The following DLGAP2 variants were observed in gnomAD, a reference collection of about 807,000 sequenced individuals.
DLGAP2 encodes the protein DLG associated protein 2, also known as disks large-associated protein 2.
In DLGAP2, 26 loss-of-function variants were observed where a neutral mutation model predicts 100.3. That is an observed-to-expected ratio of 0.26 (90% CI 0.19 to 0.36). DLGAP2 has a LOEUF of 0.36. DLGAP2 is among the 10% of genes least tolerant of loss of function. The pLI, the probability that DLGAP2 is intolerant of heterozygous loss-of-function variation, is 1.00. For synonymous variants in DLGAP2, 886 were observed against 630.1 expected (o/e 1.41, Z -6.08); for missense variants, 1,858 against 1,453.2 (o/e 1.28, Z -4.53).
At chr8:1,184,939 A>C (rs921822538) in intron 2 of DLGAP2, among the ~76,000 whole-genome samples, 1 of 152,162 alleles carries the variant, frequency 6.6e-6, no homozygotes. Flanking sequence ...CCTGGTGCAG[A>C]AGAGGCAGAT....
At chr8:1,041,300 G>T (rs943143519) in intron 2 of DLGAP2, among the ~76,000 whole-genome samples, 5 of 151,810 alleles carry the variant, frequency 3.3e-5, no homozygotes, top group African/African-American at 4.8e-5. Flanking sequence ...GAGGTGCGTG[G>T]AGATCGCCCC....
At chr8:1,373,212 A>G (rs1296045411) in intron 3 of DLGAP2, among the ~76,000 whole-genome samples, 1 of 152,068 alleles carries the variant, frequency 6.6e-6, no homozygotes, top group Admixed American at 6.5e-5. Flanking sequence ...GTGACTGCGC[A>G]GCAAGACTCT....
At chr8:1,556,849 G>C (rs137875202) in intron 5 of DLGAP2, among the ~76,000 whole-genome samples, 1 of 152,206 alleles carries the variant, frequency 6.6e-6, no homozygotes, top group African/African-American at 2.4e-5. Flanking sequence ...CACCAGGGTG[G>C]ATTTGAGCAG....
chr8:1,268,299 G>T (rs1799509423), intron 3 of DLGAP2, among the ~76,000 whole-genome samples: 1 of 152,140 alleles, frequency 6.6e-6, no homozygotes. Context: ...CTATTTTCTT[G>T]TTGCTAAACA....
intron 3 of DLGAP2, among the ~76,000 whole-genome samples, chr8:1,454,271 G>A (rs1798243805): frequency 6.6e-6 from 1 of 152,122 alleles, no homozygotes; most frequent in Non-Finnish European, 1.5e-5. Flanking sequence ...GGAGGTGGCC[G>A]AGTTCCACTG....
At chr8:1,000,010 G>A (rs1378825961) in intron 2 of DLGAP2, among the ~76,000 whole-genome samples, 7 of 143,488 alleles carry the variant, frequency 4.9e-5, no homozygotes, top group Non-Finnish European at 9.2e-5. Flanking sequence ...TTTCTCTAGA[G>A]CAGACAGATC....
At chr8:1,272,047 C>G (rs1324499774) in intron 3 of DLGAP2, among the ~76,000 whole-genome samples, 2 of 152,128 alleles carry the variant, frequency 1.3e-5, no homozygotes, top group African/African-American at 2.4e-5. Flanking sequence ...AACTCCTGAC[C>G]TCAGGTGATC....
At chr8:1,013,287 G>T (rs953121259) in intron 2 of DLGAP2, among the ~76,000 whole-genome samples, 2 of 152,182 alleles carry the variant, frequency 1.3e-5, no homozygotes, top group Non-Finnish European at 2.9e-5. Context: ...ACTGCCCTGT[G>T]CAGGATACAG....
At chr8:1,694,510 C>A (rs1000605891) in intron 13 of DLGAP2, among the ~76,000 whole-genome samples, 3 of 152,186 alleles carry the variant, frequency 2.0e-5, no homozygotes, top group African/African-American at 7.2e-5. Flanking sequence ...TGTGACACAA[C>A]CAGAAGGCAC....
chr8:1,503,327 G>A (rs1799789934), intron 4 of DLGAP2, among the ~76,000 whole-genome samples: 1 of 151,418 alleles, frequency 6.6e-6, no homozygotes, highest in Non-Finnish European at 1.5e-5. Flanking sequence ...TCTGCTTTCT[G>A]TCTCTGAAAC....
chr8:1,080,789 A>G (rs1803781224), intron 2 of DLGAP2, among the ~76,000 whole-genome samples: 1 of 152,180 alleles, frequency 6.6e-6, no homozygotes, highest in African/African-American at 2.4e-5. Context: ...TTAAGTGTTG[A>G]AATTATACTA....
At chr8:1,544,214 C>G (rs1352929134) in intron 4 of DLGAP2, among the ~76,000 whole-genome samples, 1 of 152,278 alleles carries the variant, frequency 6.6e-6, no homozygotes, top group African/African-American at 2.4e-5. Context: ...TCTTTTACCT[C>G]CTTGGTTAGG....
At chr8:1,132,375 T>A (rs888122206) in intron 2 of DLGAP2, among the ~76,000 whole-genome samples, 1 of 152,210 alleles carries the variant, frequency 6.6e-6, no homozygotes, top group Non-Finnish European at 1.5e-5. Context: ...CAAAACCAGC[T>A]GGTAGGTACA....
chr8:1,335,171 G>A (rs1179465353), intron 3 of DLGAP2, among the ~76,000 whole-genome samples: 1 of 152,146 alleles, frequency 6.6e-6, no homozygotes, highest in Admixed American at 6.5e-5. Flanking sequence ...TCTTGGGAGC[G>A]ACAAAGCAGA....
At chr8:1,459,530 C>G (rs1041442504) in intron 3 of DLGAP2, among the ~76,000 whole-genome samples, 13 of 152,098 alleles carry the variant, frequency 8.5e-5, no homozygotes, top group African/African-American at 3.1e-4. Flanking sequence ...GGCTTGGGCT[C>G]ATTTCTTCTT....
chr8:1,323,376 C>T (rs960520272), intron 3 of DLGAP2, among the ~76,000 whole-genome samples: 5 of 152,212 alleles, frequency 3.3e-5, no homozygotes, highest in African/African-American at 7.2e-5. Flanking sequence ...CGATGCACAT[C>T]CTCCGGGAGG....
At chr8:1,635,414 C>T (rs950541710) in intron 8 of DLGAP2, among the ~76,000 whole-genome samples, 2 of 152,206 alleles carry the variant, frequency 1.3e-5, no homozygotes, top group Non-Finnish European at 2.9e-5. Context: ...TTAAATACTT[C>T]TGACTTTTGT....
chr8:1,005,415 T>TG (rs1563139603), intron 2 of DLGAP2, among the ~76,000 whole-genome samples: 10 of 87,264 alleles, frequency 1.1e-4, no homozygotes, highest in Non-Finnish European at 2.2e-4. Flanking sequence ...GTTTTTTTTT[T>TG]TTTTTTTTTT....
intron 3 of DLGAP2, among the ~76,000 whole-genome samples, chr8:1,374,565 G>C (rs960988903): frequency 2.6e-5 from 4 of 152,150 alleles, no homozygotes; most frequent in Middle Eastern, 6.3e-3. Flanking sequence ...TGTGCTTTAT[G>C]ATTCTCTGAA....
Sources: gnomAD v4.1 joint callset for allele counts (sites outside exome capture counted in the v4.1 genomes callset) on GRCh38, gnomAD v4.1.1 for gene constraint, MANE v1.5 for transcripts, NCBI Gene and HGNC (gene_info 2026-07-23, HGNC 2026-07-21) for gene names.